The following ARFIP1 variants were observed in gnomAD, a reference collection of about 807,000 sequenced individuals.
ARFIP1 encodes the protein arfaptin-1.
ARFIP1 carries 24 observed loss-of-function variants against 42.5 expected under a neutral mutation model. The observed-to-expected ratio is 0.57, with a 90% CI of 0.41 to 0.80. ARFIP1 has a LOEUF of 0.80. Among genes scored for constraint, ARFIP1 ranks in the 30% least tolerant of loss-of-function variants. The pLI is 0.00. For missense variants in ARFIP1, 354 were observed against 434.0 expected, an observed-to-expected ratio of 0.82 and a Z score of 1.64; for synonymous variants, 141 against 153.7, an observed-to-expected ratio of 0.92 and a Z score of 0.61.
chr4:152,868,231 G>C (rs1197498200), intron 3 of ARFIP1, among the ~76,000 whole-genome samples: 1 of 152,176 alleles, frequency 6.6e-6, no homozygotes, highest in Non-Finnish European at 1.5e-5. Flanking sequence ...TGGAAATCAT[G>C]AATAAATCAA....
At chr4:152,819,850 C>T (rs781723796) in intron 1 of ARFIP1, among the ~76,000 whole-genome samples, 2 of 152,170 alleles carry the variant, frequency 1.3e-5, no homozygotes, top group Non-Finnish European at 2.9e-5. Flanking sequence ...CCACTGCAAA[C>T]ATAGCTACAG....
chr4:152,871,117 C>CT (rs1486380963), intron 4 of ARFIP1, among the ~76,000 whole-genome samples: 1 of 149,684 alleles, frequency 6.7e-6, no homozygotes, highest in African/African-American at 2.4e-5. Flanking sequence ...TTAAATCATT[C>CT]TTTCTTTGCT....
intron 2 of ARFIP1, among the ~76,000 whole-genome samples, chr4:152,849,504 T>C (rs979251126): frequency 6.6e-6 from 1 of 152,206 alleles, no homozygotes; most frequent in African/African-American, 2.4e-5. Flanking sequence ...TTGATGCAAG[T>C]TGGTACATGA....
At position 152,905,555 on chromosome 4, in the gene ARFIP1, T is replaced by TTTTTTGTTTTG. The variant is rs1554036979; in HGVS notation, c.967-4504_967-4503insGTTTTGTTTTT. 4.2e-4 allele frequency among the ~76,000 whole-genome samples: 49 copies of TTTTTTGTTTTG among 115,656 alleles called. 1 individual carries two copies. The highest frequency in any genetic ancestry group is 1.6e-3 in the African/African-American group (48 of 30,824). 75.9% of individuals were successfully genotyped at this position (115,656 alleles called of 152,430 possible). ...TGAATTGTAAGAATTGTTTTTTTTT[T>TTTTTTGTTTTG]TTTTTTTTTTTTTTTGAGATGGAGT... On this transcript the variant is annotated intron_variant, in intron 8 of 8. Transcript: ENST00000353617.
In ARFIP1 at chr4:152,809,213, A is replaced by C. The variant is rs191261583; in HGVS notation, c.-9-20412A>C. ...AGGGCATGCTTATAGCACTGGTTCTACTTGGCTGCACATTAGAATCACCTG... is the reference window on the plus strand; with the variant it reads ...AGGGCATGCTTATAGCACTGGTTCTCCTTGGCTGCACATTAGAATCACCTG... On this transcript the variant is annotated intron_variant, in intron 1 of 8. Coordinates refer to ENST00000353617, the MANE Select transcript of ARFIP1 (RefSeq NM_001025595.3). Among the ~76,000 whole-genome samples the C allele has an allele frequency of 2.6e-3, 391 of 152,332 alleles. 1 individual carries two copies. The highest frequency in any genetic ancestry group is 9.0e-3 in the African/African-American group (374 of 41,568).
intron 1 of ARFIP1, among the ~76,000 whole-genome samples, chr4:152,800,776 C>T (rs1052063671): frequency 3.9e-5 from 6 of 151,954 alleles, no homozygotes; most frequent in African/African-American, 1.4e-4. Context: ...CATCCAAGGT[C>T]GTATTGTTTA....
Position 152,910,551 on chromosome 4 carries a change from A to T in ARFIP1, c.*332A>T, listed in dbSNP as rs1376909821. 5.7e-6 allele frequency: 1 copy of T among 176,092 alleles called. No homozygotes were observed. The highest frequency in any genetic ancestry group is 1.2e-5 in the Non-Finnish European group (1 of 84,134). The allele number at this position is 176,092 out of a possible 1,614,324, so 10.9% of individuals were successfully genotyped here. ...AAAAATTCAAGGTTTTTGGTCCTGG[A>T]AATGAGGGCCGATTGTAACTTTTCC... On this transcript the variant is annotated 3_prime_UTR_variant, in exon 9 of 9. Transcript: ENST00000353617.
At chr4:152,908,780 C>T (rs919852546) in intron 8 of ARFIP1, among the ~76,000 whole-genome samples, 3 of 152,000 alleles carry the variant, frequency 2.0e-5, no homozygotes, top group African/African-American at 7.3e-5. Flanking sequence ...GCTCCCTAGA[C>T]CTGTCCCTGA....
At chr4:152,783,921 A>G (rs1483473323) in intron 1 of ARFIP1, among the ~76,000 whole-genome samples, 1 of 152,174 alleles carries the variant, frequency 6.6e-6, no homozygotes, top group East Asian at 1.9e-4. Context: ...TGAAGATTCA[A>G]ATAATAAGCA....
At chr4:152,821,328 A>G (rs955494807) in intron 1 of ARFIP1, among the ~76,000 whole-genome samples, 17 of 152,180 alleles carry the variant, frequency 1.1e-4, no homozygotes, top group African/African-American at 4.1e-4. Flanking sequence ...CGAAAGACAT[A>G]TTTAGGGAAC....
chr4:152,788,589 G>A (rs1233457831), intron 1 of ARFIP1, among the ~76,000 whole-genome samples: 17 of 152,172 alleles, frequency 1.1e-4, no homozygotes. Flanking sequence ...GCTGAGGTGG[G>A]AGGATTACTT....
chr4:152,877,237 G>A (rs1735432321), intron 5 of ARFIP1, among the ~76,000 whole-genome samples: 1 of 152,176 alleles, frequency 6.6e-6, no homozygotes, highest in South Asian at 2.1e-4. Flanking sequence ...CAGCTGGGAG[G>A]AAGGCTGTAC....
At chr4:152,900,951 C>CT (rs1040737034) in intron 8 of ARFIP1, among the ~76,000 whole-genome samples, 1 of 152,202 alleles carries the variant, frequency 6.6e-6, no homozygotes, top group Non-Finnish European at 1.5e-5. Flanking sequence ...CTTTGAAGAA[C>CT]TTAACAATCA....
chr4:152,900,191 G>A (rs1223508396), intron 8 of ARFIP1, among the ~76,000 whole-genome samples: 1 of 151,934 alleles, frequency 6.6e-6, no homozygotes. Flanking sequence ...ATCAAAGGGC[G>A]GGAACTAACA....
intron 2 of ARFIP1, among the ~76,000 whole-genome samples, chr4:152,830,753 C>T (rs1251473446): frequency 2.0e-5 from 3 of 152,108 alleles, no homozygotes; most frequent in Admixed American, 1.3e-4. Context: ...TTAATAGATG[C>T]CAGTAGTACC....
chr4:152,842,052 T>C (rs1358010376), intron 2 of ARFIP1, among the ~76,000 whole-genome samples: 1 of 152,138 alleles, frequency 6.6e-6, no homozygotes, highest in Non-Finnish European at 1.5e-5. Context: ...TAAGAATCCC[T>C]AAGCCTAGCT....
At chr4:152,861,883 G>C (rs935449789) in intron 2 of ARFIP1, among the ~76,000 whole-genome samples, 3 of 151,962 alleles carry the variant, frequency 2.0e-5, no homozygotes, top group African/African-American at 7.3e-5. Context: ...CATCCCTTCT[G>C]TCTGTTCTTT....
chr4:152,792,624 A>T (rs540089339), intron 1 of ARFIP1, among the ~76,000 whole-genome samples: 1 of 152,260 alleles, frequency 6.6e-6, no homozygotes, highest in African/African-American at 2.4e-5. Context: ...CAGTGTTGTC[A>T]TGGAGACTCT....
intron 7 of ARFIP1, among the ~76,000 whole-genome samples, chr4:152,883,497 G>T (rs1249878862): frequency 6.6e-6 from 1 of 151,898 alleles, no homozygotes; most frequent in Admixed American, 6.6e-5. Flanking sequence ...ATTATAACAA[G>T]CCTTCAAACC....
Sources: allele counts gnomAD v4.1 joint callset (sites outside exome capture counted in the v4.1 genomes callset), GRCh38; gene constraint gnomAD v4.1.1; transcripts MANE v1.5; gene names NCBI Gene and HGNC (gene_info 2026-07-23, HGNC 2026-07-21).